The following CSMD3 variants were observed in gnomAD, a reference collection of about 807,000 sequenced individuals.
CSMD3 encodes CUB and Sushi multiple domains 3, also known as CUB and sushi domain-containing protein 3.
In CSMD3, 177 loss-of-function variants were observed where a neutral mutation model predicts 435.2. The observed-to-expected ratio is 0.41, with a 90% CI of 0.36 to 0.46. CSMD3 has a LOEUF of 0.46. Ranked by LOEUF, CSMD3 falls within the 20% of genes least tolerant of loss-of-function variation. The probability of loss-of-function intolerance (pLI) is 0.34; values close to 1 mark genes in which losing one functional copy is unlikely to be tolerated. For synonymous variants in CSMD3, 1,656 were observed against 1,520.5 expected, an observed-to-expected ratio of 1.09 and a Z score of -2.07; for missense variants, 4,265 against 4,504.6, an observed-to-expected ratio of 0.95 and a Z score of 1.52.
chr8:113,149,508 GT>G lies in CSMD3; in HGVS notation c.709+24213del, dbSNP rs528867743. On this transcript the variant is annotated intron_variant, in intron 4 of 70. Coordinates refer to ENST00000297405, the MANE Select transcript of CSMD3 (RefSeq NM_198123.2). ...TTTTGAGATACAATGCATTATTTTGGTTTCCTTGACATGTATGCAATTCCCC... is the reference window on the plus strand; with the variant it reads ...TTTTGAGATACAATGCATTATTTTGGTTCCTTGACATGTATGCAATTCCCC... Among the ~76,000 whole-genome samples the G allele has an allele frequency of 7.9e-3, 1,202 of 151,714 alleles. 5 individuals are homozygous for G. The highest frequency in any genetic ancestry group is 0.014 in the Middle Eastern group (4 of 294).
At chr8:113,003,525 T>G (rs543207055) in intron 6 of CSMD3, among the ~76,000 whole-genome samples, 1 of 152,032 alleles carries the variant, frequency 6.6e-6, no homozygotes, top group African/African-American at 2.4e-5. Flanking sequence ...AAATAAGCTA[T>G]TAGAATAATA....
chr8:112,805,273 T>C (rs1054700848), intron 12 of CSMD3, among the ~76,000 whole-genome samples: 3 of 152,152 alleles, frequency 2.0e-5, no homozygotes, highest in African/African-American at 4.8e-5. Context: ...AAAAGGGGTA[T>C]TCCGAAAAGC....
intron 13 of CSMD3, among the ~76,000 whole-genome samples, chr8:112,782,111 A>G (rs908287464): frequency 6.6e-6 from 1 of 152,160 alleles, no homozygotes; most frequent in Non-Finnish European, 1.5e-5. Context: ...AGGACCAGTG[A>G]CCAATCCTGT....
intron 38 of CSMD3, among the ~76,000 whole-genome samples, chr8:112,364,215 C>T (rs1282198267): frequency 1.3e-5 from 2 of 151,912 alleles, no homozygotes; most frequent in Non-Finnish European, 2.9e-5. Context: ...TATTTTGAGA[C>T]TAATTTTATG....
At chr8:112,241,356 C>A (rs991910041) in intron 66 of CSMD3, among the ~76,000 whole-genome samples, 3 of 151,920 alleles carry the variant, frequency 2.0e-5, no homozygotes, top group African/African-American at 7.2e-5. Context: ...GATCTTTATT[C>A]TCATACCAAG....
intron 59 of CSMD3, among the ~76,000 whole-genome samples, chr8:112,278,700 A>G (rs1279938849): frequency 6.6e-6 from 1 of 152,164 alleles, no homozygotes; most frequent in Admixed American, 6.5e-5. Context: ...CCTCCAGTCC[A>G]TACCTAAACT....
intron 30 of CSMD3, among the ~76,000 whole-genome samples, chr8:112,501,054 CT>C (rs1226792603): frequency 1.3e-5 from 2 of 152,016 alleles, no homozygotes; most frequent in Admixed American, 1.3e-4. Flanking sequence ...TGGCTTTCCC[CT>C]TTTGGATGCC....
rs2094666221 is a variant in CSMD3 at position 113,430,577 on chromosome 8, C to T, written c.178+6100G>A. ...AAACCATCAGTGTCTGTGCCCAACTCCCAAAGCATCTGATTCAACAGACCT... is the reference window on the plus strand; with the variant it reads ...AAACCATCAGTGTCTGTGCCCAACTTCCAAAGCATCTGATTCAACAGACCT... On this transcript the variant is annotated intron_variant, in intron 1 of 70. Transcript: ENST00000297405. 1.3e-5 allele frequency among the ~76,000 whole-genome samples: 2 copies of T among 152,108 alleles called. 1 individual carries two copies. The highest frequency in any genetic ancestry group is 4.1e-4 in the South Asian group (2 of 4,822).
chr8:112,736,136 A>C (rs2077181073), intron 13 of CSMD3, among the ~76,000 whole-genome samples: 1 of 152,018 alleles, frequency 6.6e-6, no homozygotes, highest in Admixed American at 6.6e-5. Context: ...TGAATGAATA[A>C]ATACTTTCAC....
chr8:112,958,213 C>A lies in CSMD3; in HGVS notation c.1343-3452G>T, dbSNP rs11992839. On this transcript the variant is annotated intron_variant, in intron 7 of 70. Transcript: ENST00000297405. ...ATGAAATACAGAAAAACTATGTATG[C>A]TCTAATAATTTTAGAAAGCATTAAA... is the stretch of plus-strand genomic sequence containing the variant. Among the ~76,000 whole-genome samples the A allele has an allele frequency of 7.8e-3, 1,183 of 152,214 alleles. 19 individuals are homozygous for A. The highest frequency in any genetic ancestry group is 0.027 in the African/African-American group (1,133 of 41,520).
chr8:113,219,059 A>G (rs961878087), intron 3 of CSMD3, among the ~76,000 whole-genome samples: 1 of 151,408 alleles, frequency 6.6e-6, no homozygotes, highest in African/African-American at 2.4e-5. Flanking sequence ...AAAAACAGGA[A>G]TGGATGGATA....
rs1564111873 is a variant in CSMD3 at position 112,926,257 on chromosome 8, TGA to T, written c.1509-4508_1509-4507del. Among the ~76,000 whole-genome samples the T allele has an allele frequency of 6.5e-3, 987 of 151,456 alleles. 9 individuals are homozygous for T. The highest frequency in any genetic ancestry group is 0.022 in the African/African-American group (891 of 41,282). On this transcript the variant is annotated intron_variant, in intron 9 of 70. Coordinates refer to ENST00000297405, the MANE Select transcript of CSMD3 (RefSeq NM_198123.2). ...CATTAAATATGTGTGTGTGTGTGTG[TGA>T]GCGTGTGTGTGTTTGTGTGTGTGTA...
intron 1 of CSMD3, among the ~76,000 whole-genome samples, chr8:113,367,255 A>C (rs544174932): frequency 1.3e-5 from 2 of 151,892 alleles, no homozygotes; most frequent in Non-Finnish European, 2.9e-5. Context: ...CATTAGCTAT[A>C]CTTATTTCAT....
chr8:112,359,849 A>C (rs1164160259), intron 38 of CSMD3, among the ~76,000 whole-genome samples: 2 of 151,980 alleles, frequency 1.3e-5, no homozygotes, highest in African/African-American at 2.4e-5. Flanking sequence ...TGTAGTATTG[A>C]ATTTATGGAC....
At chr8:113,319,350 T>C (rs1307190595) in intron 1 of CSMD3, among the ~76,000 whole-genome samples, 1 of 152,078 alleles carries the variant, frequency 6.6e-6, no homozygotes, top group African/African-American at 2.4e-5. Flanking sequence ...TGCCATTTTA[T>C]AGCTTCTTTG....
chr8:112,943,549 A>G (rs2083515496), intron 9 of CSMD3, among the ~76,000 whole-genome samples: 1 of 151,682 alleles, frequency 6.6e-6, no homozygotes, highest in African/African-American at 2.4e-5. Context: ...TGAGATAAAA[A>G]GGGCCCAAGA....
chr8:112,297,067 A>T (rs1186178161), intron 53 of CSMD3, among the ~76,000 whole-genome samples: 1 of 151,368 alleles, frequency 6.6e-6, no homozygotes, highest in Non-Finnish European at 1.5e-5. Context: ...AATAGTTTTT[A>T]TCTATTAAAA....
At chr8:112,636,055 T>C (rs1407619003) in intron 22 of CSMD3, among the ~76,000 whole-genome samples, 1 of 152,146 alleles carries the variant, frequency 6.6e-6, no homozygotes, top group Non-Finnish European at 1.5e-5. Context: ...GTACTGATAA[T>C]CACTAAACAG....
chr8:112,305,871 A>G, intron 51 of CSMD3, 136 bp downstream of exon 51: 1 of 767,754 alleles, frequency 1.3e-6, no homozygotes, highest in South Asian at 1.4e-5. Context: ...AAGATAGCTT[A>G]CTTAACTTTT....
Sources: allele counts gnomAD v4.1 joint callset (sites outside exome capture counted in the v4.1 genomes callset), GRCh38; gene constraint gnomAD v4.1.1; transcripts MANE v1.5; gene names NCBI Gene and HGNC (gene_info 2026-07-23, HGNC 2026-07-21).